Variants in WLS observed in about 807,000 individuals in gnomAD.
WLS encodes the protein protein wntless homolog.
A neutral mutation model predicts 62.8 loss-of-function variants in WLS; 23 were observed. The observed-to-expected ratio is 0.37, with a 90% CI of 0.26 to 0.52. The LOEUF (loss-of-function observed/expected upper bound fraction) is 0.52. Among genes scored for constraint, WLS ranks in the 20% least tolerant of loss-of-function variants. The probability of loss-of-function intolerance (pLI) is 0.92; values close to 1 mark genes in which losing one functional copy is unlikely to be tolerated. For synonymous variants in WLS, 246 were observed against 244.1 expected (o/e 1.01, Z -0.07); for missense variants, 615 against 697.3 (o/e 0.88, Z 1.33).
intron 2 of WLS, among the ~76,000 whole-genome samples, chr1:68,159,719 T>G (rs1646946752): frequency 6.6e-6 from 1 of 152,212 alleles, no homozygotes; most frequent in Admixed American, 6.5e-5. Flanking sequence ...CACGTCCCTC[T>G]GGGGCTCTTC....
chr1:68,110,688 T>TCTCTCTCTCTCTCC (rs1390457595), intron 11 of WLS, among the ~76,000 whole-genome samples: 3 of 150,074 alleles, frequency 2.0e-5, no homozygotes, highest in African/African-American at 7.4e-5. Context: ...TCTCTCTCTC[T>TCTCTCTCTCTCTCC]CTCCATATAT....
intron 11 of WLS, among the ~76,000 whole-genome samples, chr1:68,106,696 G>C (rs1022720547): frequency 6.6e-6 from 1 of 151,196 alleles, no homozygotes; most frequent in African/African-American, 2.4e-5. Flanking sequence ...ACCTGGAAAC[G>C]CGTGTGCATG....
At chr1:68,102,479 G>A (rs1398842668) in intron 11 of WLS, among the ~76,000 whole-genome samples, 1 of 152,110 alleles carries the variant, frequency 6.6e-6, no homozygotes, top group Non-Finnish European at 1.5e-5. Context: ...TGACCTCCAT[G>A]TTTCTGCACC....
At chr1:68,100,891 T>C (rs1209080866) in intron 11 of WLS, 1 of 152,244 alleles carries the variant, frequency 6.6e-6, no homozygotes. Context: ...CAGCCCACCA[T>C]GAACATGGGA....
At chr1:68,231,409 C>A (rs1650412693) in intron 1 of WLS, among the ~76,000 whole-genome samples, 1 of 152,066 alleles carries the variant, frequency 6.6e-6, no homozygotes, top group Admixed American at 6.5e-5. Flanking sequence ...TTCACAGTCA[C>A]CGGCTCTCGG....
Position 68,150,248 on chromosome 1 carries a change from C to T in WLS, c.912G>A (p.Gln304=). 3 of 1,614,162 alleles carry T rather than the reference C, an allele frequency of 1.9e-6. No homozygotes were observed. In the South Asian group the frequency reaches 3.3e-5, roughly 18 times the overall value. ...TWMLLFGDIR[Q]GIFYAMLLSF... Reference sequence around the variant, plus strand: ...ACAGAAGCATCGCATAGAAGATGCCCTGTCGGATGTCACCAAACAGCAGCA... The same window carrying T: ...ACAGAAGCATCGCATAGAAGATGCCTTGTCGGATGTCACCAAACAGCAGCA... Residue 304 remains glutamine (Q), a synonymous_variant, in exon 6 of 12, where the codon CAG becomes CAA. Transcript: ENST00000262348.
intron 2 of WLS, among the ~76,000 whole-genome samples, chr1:68,181,444 T>C (rs921707397): frequency 3.3e-5 from 5 of 152,372 alleles, no homozygotes; most frequent in African/African-American, 1.2e-4. Context: ...GATCTGCAGC[T>C]GTGGCACTAT....
intron 5 of WLS, among the ~76,000 whole-genome samples, chr1:68,151,288 G>GGACATTAAA (rs1646822088): frequency 6.6e-6 from 1 of 152,118 alleles, no homozygotes; most frequent in Non-Finnish European, 1.5e-5. Context: ...TGGCACATCA[G>GGACATTAAA]GAAATGACAG....
At chr1:68,166,669 G>A (rs1471036123) in intron 2 of WLS, among the ~76,000 whole-genome samples, 1 of 152,182 alleles carries the variant, frequency 6.6e-6, no homozygotes, top group African/African-American at 2.4e-5. Context: ...CAATGTTCCT[G>A]GGAGGCTGCA....
chr1:68,138,014 C>T, intron 10 of WLS, 81 bp from the exon 11 acceptor site: 3 of 1,538,102 alleles, frequency 2.0e-6, no homozygotes, highest in Non-Finnish European at 2.7e-6. Flanking sequence ...AACCAACCAA[C>T]ATGAAAACCA....
At chr1:68,167,289 A>G (rs568067737) in intron 2 of WLS, among the ~76,000 whole-genome samples, 9 of 152,340 alleles carry the variant, frequency 5.9e-5, no homozygotes, top group African/African-American at 2.2e-4. Context: ...ATCCAAACCT[A>G]GATCACAAAA....
chr1:68,203,509 G>A (rs1649136068), intron 1 of WLS, among the ~76,000 whole-genome samples: 1 of 152,210 alleles, frequency 6.6e-6, no homozygotes, highest in African/African-American at 2.4e-5. Flanking sequence ...GAGACTTACA[G>A]TCAGGGACAG....
chr1:68,128,491 A>G (rs987917703), intron 11 of WLS, among the ~76,000 whole-genome samples: 9 of 152,240 alleles, frequency 5.9e-5, no homozygotes, highest in African/African-American at 2.2e-4. Context: ...TGGACCCATT[A>G]GCACTCATAA....
chr1:68,182,048 T>C (rs1342327090), intron 2 of WLS, among the ~76,000 whole-genome samples: 1 of 152,192 alleles, frequency 6.6e-6, no homozygotes, highest in African/African-American at 2.4e-5. Flanking sequence ...GAGTGTTTTG[T>C]TAAGACTAGA....
chr1:68,218,941 G>T (rs982925547), intron 1 of WLS, among the ~76,000 whole-genome samples: 1 of 152,140 alleles, frequency 6.6e-6, no homozygotes, highest in African/African-American at 2.4e-5. Context: ...TTCTTAGAAG[G>T]ATAACTTTCA....
chr1:68,127,035 AT>A, intron 11 of WLS: 2 of 363,366 alleles, frequency 5.5e-6, no homozygotes, highest in Non-Finnish European at 5.4e-6. Flanking sequence ...TAAAAAAAAA[AT>A]TTGTTTTAAT....
intron 1 of WLS, among the ~76,000 whole-genome samples, chr1:68,221,000 T>C (rs1649918963): frequency 6.6e-6 from 1 of 152,210 alleles, no homozygotes; most frequent in South Asian, 2.1e-4. Flanking sequence ...AAGGAAGGTA[T>C]TGGAGGAATT....
intron 11 of WLS, among the ~76,000 whole-genome samples, chr1:68,101,141 G>A (rs1258086089): frequency 6.6e-6 from 1 of 152,100 alleles, no homozygotes; most frequent in Non-Finnish European, 1.5e-5. Context: ...TAGAAGTAAA[G>A]CTCTCCTCTC....
At chr1:68,164,998 C>A (rs1647040178) in intron 2 of WLS, among the ~76,000 whole-genome samples, 1 of 152,122 alleles carries the variant, frequency 6.6e-6, no homozygotes, top group Non-Finnish European at 1.5e-5. Context: ...CACTTAGTAG[C>A]CTCAGTGGTC....
Sources: gnomAD v4.1 joint callset for allele counts (sites outside exome capture counted in the v4.1 genomes callset) on GRCh38, gnomAD v4.1.1 for gene constraint, MANE v1.5 for transcripts, NCBI Gene and HGNC (gene_info 2026-07-23, HGNC 2026-07-21) for gene names.